The following GCHFR variants were observed in gnomAD, a reference collection of about 807,000 sequenced individuals.
GCHFR encodes GTP cyclohydrolase I feedback regulator.
A neutral mutation model predicts 10.6 loss-of-function variants in GCHFR; 12 were observed. That is an observed-to-expected ratio of 1.13 (90% CI 0.72 to 1.83). GCHFR has a LOEUF of 1.83. Among genes scored for constraint, GCHFR ranks in the 40% most tolerant of loss-of-function variants. The pLI is 0.00. For missense variants in GCHFR, 116 were observed against 110.6 expected (o/e 1.05, Z -0.22); for synonymous variants, 54 against 43.7 (o/e 1.24, Z -0.93).
rs544356309 is a variant in GCHFR, at chr15:40,765,160, A to C, written c.37-667A>C. The C allele has an allele frequency of 2.0e-5, 3 of 152,296 alleles. No homozygotes were observed. In the East Asian group the frequency reaches 5.8e-4, roughly 29 times the overall value. The allele number at this position is 152,296 out of a possible 1,614,324, so 9.4% of individuals were successfully genotyped here. A position where few individuals can be genotyped will look rare whatever the true frequency, so the allele number is the denominator to read the frequency against. ...GAAATGGCCCCCCAAAGTGATTCTT[A>C]TTTCTTAAAAGATATGGCTTTATTG... is the stretch of plus-strand genomic sequence containing the variant. On this transcript the variant is annotated intron_variant, in intron 1 of 2. Coordinates refer to ENST00000260447, the MANE Select transcript of GCHFR (RefSeq NM_005258.3).
chr15:40,764,289 C>T, intron 1 of GCHFR, 73 bp downstream of exon 1: 1 of 1,365,016 alleles, frequency 7.3e-7, no homozygotes, highest in South Asian at 1.3e-5. Context: ...CTTCATGCCT[C>T]CCTCCTGGGC....
At chr15:40,765,486 G>A (rs1444462901) in intron 1 of GCHFR, 3 of 180,370 alleles carry the variant, frequency 1.7e-5, no homozygotes, top group East Asian at 1.4e-4. Context: ...ACCCAGGCTG[G>A]AGTGCAGTGG....
rs1459512471 is a variant in GCHFR at position 40,767,212 on chromosome 15, CTG to C, written c.132-12_132-11del. 2 of 1,496,920 alleles carry C rather than the reference CTG, an allele frequency of 1.3e-6. No homozygotes were observed. The highest frequency in any genetic ancestry group is 2.9e-5 in the African/African-American group (2 of 69,480). The allele number at this position is 1,496,920 out of a possible 1,614,324, so 92.7% of individuals were successfully genotyped here. On this transcript the variant is annotated splice_polypyrimidine_tract_variant and intron_variant, in intron 2 of 2. Transcript: ENST00000260447. ...TGTGCCCCTCCTCACCCCCCCCATC[CTG>C]TCTCTTTGCAGTTATGAATACTACG... is the stretch of plus-strand genomic sequence containing the variant.
chr15:40,764,157 G>A lies in GCHFR; in HGVS notation c.-24G>A, dbSNP rs1318432250. ...GCGTCCAGCCTAGAGCCCCCGGTGG[G>A]AGCCAGGCCGGGACGCGTGCACCAT... On this transcript the variant is annotated 5_prime_UTR_variant, in exon 1 of 3. Coordinates refer to ENST00000260447, the MANE Select transcript of GCHFR (RefSeq NM_005258.3). The A allele has an allele frequency of 1.3e-6, 2 of 1,545,170 alleles. No homozygotes were observed. Among genetic ancestry groups the A allele is most frequent in the Admixed American group, 3.9e-5 (2 of 51,242 alleles).
intron 2 of GCHFR, 110 bp from the exon 3 acceptor site, chr15:40,767,116 C>T (rs1001517486): frequency 6.0e-6 from 7 of 1,170,254 alleles, no homozygotes; most frequent in Admixed American, 3.0e-5. Flanking sequence ...AAGCAGCCAG[C>T]AAGTGTGAGT....
chr15:40,766,775 C>T (rs989351196), intron 2 of GCHFR: 11 of 153,104 alleles, frequency 7.2e-5, no homozygotes, highest in African/African-American at 2.7e-4. Context: ...AGTGAGGGGC[C>T]TGGAGGCTTA....
chr15:40,767,238 C>G lies in GCHFR; in HGVS notation c.144C>G (p.Tyr48Ter). Residue 48 changes from tyrosine (Y) to a stop codon, truncating the protein, a stop_gained, in exon 3 of 3, where the codon TAC (tyrosine) becomes TAG (stop). Coordinates refer to ENST00000260447, the MANE Select transcript of GCHFR (RefSeq NM_005258.3). LOFTEE classifies it high-confidence loss of function. ...TGTCTCTTTGCAGTTATGAATACTACGTCGATGACCCTCCCCGCATAGTCC... is the reference window on the plus strand; with the variant it reads ...TGTCTCTTTGCAGTTATGAATACTAGGTCGATGACCCTCCCCGCATAGTCC... ...RALGNNFYEY[Y>*]VDDPPRIVLD... 1 of 1,564,270 alleles carries G rather than the reference C, an allele frequency of 6.4e-7. No homozygotes were observed. The highest frequency in any genetic ancestry group is 1.2e-5 in the South Asian group (1 of 84,834).
chr15:40,765,813 G>A lies in GCHFR; in HGVS notation c.37-14G>A, dbSNP rs2141940502. 1 of 1,475,730 alleles carries A rather than the reference G, an allele frequency of 6.8e-7. No homozygotes were observed. Among genetic ancestry groups the A allele is most frequent in the East Asian group, 2.4e-5 (1 of 41,244 alleles). 91.4% of individuals were successfully genotyped at this position (1,475,730 alleles called of 1,614,324 possible). ...TGGCAGCCAGCCAAGCAGCCACTGT[G>A]GCTTACCTTGCAGGAGGTGGGCCCC... On this transcript the variant is annotated splice_polypyrimidine_tract_variant and intron_variant, in intron 1 of 2. Transcript: ENST00000260447.
At chr15:40,767,037 A>T (rs538713771) in intron 2 of GCHFR, 189 bp from the exon 3 acceptor site, 3 of 469,994 alleles carry the variant, frequency 6.4e-6, no homozygotes, top group Admixed American at 7.6e-5. Context: ...GGGAAGAATA[A>T]ATGAGATAGC....
chr15:40,765,981 C>T (rs1566816628), intron 2 of GCHFR, 60 bp downstream of exon 2: 1 of 809,782 alleles, frequency 1.2e-6, no homozygotes. Flanking sequence ...GCCTCTGCTC[C>T]CTTTATACAA....
At position 40,767,501 on chromosome 15, in the gene GCHFR, C is replaced by T. The variant is rs1407854754; in HGVS notation, c.*152C>T. On this transcript the variant is annotated 3_prime_UTR_variant, in exon 3 of 3. Coordinates refer to ENST00000260447, the MANE Select transcript of GCHFR (RefSeq NM_005258.3). ...GCCCCAAAGGGCAGTGAATGGCCTT[C>T]TCTGAAACCCTGCGTCAAGCAGTGG... 8.2e-6 allele frequency: 7 copies of T among 856,942 alleles called. No homozygotes were observed. Among genetic ancestry groups the T allele is most frequent in the African/African-American group, 1.8e-5 (1 of 56,406 alleles). The allele number at this position is 856,942 out of a possible 1,614,324, so 53.1% of individuals were successfully genotyped here.
At chr15:40,765,088 T>A (rs974506276) in intron 1 of GCHFR, 3 of 152,202 alleles carry the variant, frequency 2.0e-5, no homozygotes, top group Non-Finnish European at 2.9e-5. Context: ...CTGGGTCCCT[T>A]CCCAGACCTC....
At chr15:40,767,087 A>G in intron 2 of GCHFR, 139 bp from the exon 3 acceptor site, 1 of 782,830 alleles carries the variant, frequency 1.3e-6, no homozygotes, top group South Asian at 3.0e-5. Flanking sequence ...GGGGGCGTGC[A>G]CTTACCCCAG....
chr15:40,767,156 C>T lies in GCHFR; in HGVS notation c.132-70C>T, dbSNP rs544341876. On this transcript the variant is annotated intron_variant, in intron 2 of 2. Transcript: ENST00000260447. Reference sequence around the variant, plus strand: ...ACAAGAGTGGCCAGGCTGCCTGCTGCAGACACTAGCTTTGTACCAGGAGCT... The same window carrying T: ...ACAAGAGTGGCCAGGCTGCCTGCTGTAGACACTAGCTTTGTACCAGGAGCT... The T allele has an allele frequency of 2.5e-5, 35 of 1,409,310 alleles. No homozygotes were observed. The South Asian group carries it at 5.3e-4, about 21-fold the overall frequency. 87.3% of individuals were successfully genotyped at this position (1,409,310 alleles called of 1,614,324 possible).
rs1455169385 is a variant in GCHFR, at chr15:40,764,143, A to G, written c.-38A>G. ...AAGGGCTGGAGTCGGCGTCCAGCCT[A>G]GAGCCCCCGGTGGGAGCCAGGCCGG... On this transcript the variant is annotated 5_prime_UTR_variant, in exon 1 of 3. Coordinates refer to ENST00000260447, the MANE Select transcript of GCHFR (RefSeq NM_005258.3). The G allele has an allele frequency of 1.1e-5, 17 of 1,536,212 alleles. No individual in the cohort carries two copies. Among genetic ancestry groups the G allele is most frequent in the Non-Finnish European group, 1.5e-5 (17 of 1,142,224 alleles).
Position 40,767,393 on chromosome 15 carries a change from C to G in GCHFR, c.*44C>G, listed in dbSNP as rs531608687. On this transcript the variant is annotated 3_prime_UTR_variant, in exon 3 of 3. Coordinates refer to ENST00000260447, the MANE Select transcript of GCHFR (RefSeq NM_005258.3). ...CAGACGGGGCACCCCTGTGGAGGGGCTGCTGTGGGCCCTGACCTCCAAGCT... is the reference window on the plus strand; with the variant it reads ...CAGACGGGGCACCCCTGTGGAGGGGGTGCTGTGGGCCCTGACCTCCAAGCT... 1.4e-4 allele frequency: 223 copies of G among 1,554,350 alleles called. 2 individuals are homozygous for G. In the Middle Eastern group the frequency reaches 2.8e-3, roughly 19 times the overall value.
chr15:40,767,211 C>A lies in GCHFR; in HGVS notation c.132-15C>A. 6.7e-7 allele frequency: 1 copy of A among 1,494,872 alleles called. No individual in the cohort carries two copies. The highest frequency in any genetic ancestry group is 8.9e-7 in the Non-Finnish European group (1 of 1,119,630). The allele number at this position is 1,494,872 out of a possible 1,614,324, so 92.6% of individuals were successfully genotyped here. A position where few individuals can be genotyped will look rare whatever the true frequency, so the allele number is the denominator to read the frequency against. ...GTGTGCCCCTCCTCACCCCCCCCAT[C>A]CTGTCTCTTTGCAGTTATGAATACT... On this transcript the variant is annotated splice_polypyrimidine_tract_variant and intron_variant, in intron 2 of 2. Coordinates refer to ENST00000260447, the MANE Select transcript of GCHFR (RefSeq NM_005258.3).
intron 2 of GCHFR, 85 bp from the exon 3 acceptor site, chr15:40,767,141 C>A: frequency 7.3e-7 from 1 of 1,370,814 alleles, no homozygotes; most frequent in Non-Finnish European, 9.6e-7. Flanking sequence ...ACAAGAGTGG[C>A]CAGGCTGCCT....
chr15:40,765,809 CTG>C lies in GCHFR; in HGVS notation c.37-15_37-14del. The C allele has an allele frequency of 4.2e-6, 6 of 1,438,324 alleles. No individual in the cohort carries two copies. Among genetic ancestry groups the C allele is most frequent in the Non-Finnish European group, 5.7e-6 (6 of 1,046,184 alleles). The allele number at this position is 1,438,324 out of a possible 1,614,324, so 89.1% of individuals were successfully genotyped here. ...CTCCTGGCAGCCAGCCAAGCAGCCA[CTG>C]TGGCTTACCTTGCAGGAGGTGGGCC... On this transcript the variant is annotated splice_polypyrimidine_tract_variant and intron_variant, in intron 1 of 2. Transcript: ENST00000260447.
Sources: gnomAD v4.1 joint callset for allele counts on GRCh38, gnomAD v4.1.1 for gene constraint, MANE v1.5 for transcripts, NCBI Gene and HGNC (gene_info 2026-07-23, HGNC 2026-07-21) for gene names.